The following CAPZA1 variants were observed in gnomAD, a reference collection of about 807,000 sequenced individuals.
CAPZA1 encodes the protein capping actin protein of muscle Z-line subunit alpha 1.
Under a neutral mutation model 40.8 loss-of-function variants are expected in CAPZA1, and 10 were observed. The observed-to-expected ratio is 0.25, with a 90% CI of 0.15 to 0.42. The LOEUF (loss-of-function observed/expected upper bound fraction) is 0.42, where lower values mean the gene tolerates loss of function less well. Among genes scored for constraint, CAPZA1 ranks in the 10% least tolerant of loss-of-function variants. The pLI, the probability that CAPZA1 is intolerant of heterozygous loss-of-function variation, is 1.00. For synonymous variants in CAPZA1, 98 were observed against 115.0 expected, an observed-to-expected ratio of 0.85 and a Z score of 0.95; for missense variants, 277 against 353.8, an observed-to-expected ratio of 0.78 and a Z score of 1.74.
intron 1 of CAPZA1, among the ~76,000 whole-genome samples, chr1:112,637,726 T>A (rs1281089934): frequency 6.6e-6 from 1 of 152,218 alleles, no homozygotes; most frequent in East Asian, 1.9e-4. Flanking sequence ...GTGTTGGGAT[T>A]ACAGGTGTGA....
chr1:112,653,625 G>C lies in CAPZA1; in HGVS notation c.183G>C (p.Gln61His), dbSNP rs1671443765. 1 of 1,594,896 alleles carries C rather than the reference G, an allele frequency of 6.3e-7. No homozygotes were observed. The highest frequency in any genetic ancestry group is 1.1e-5 in the South Asian group (1 of 88,530). The change falls in exon 4 of 10, where the codon CAG becomes CAC. Residue 61 changes from glutamine to histidine, a missense_variant. This residue lies in a region of CAPZA1 where 192 missense variants were observed against 277.2 expected (regional missense o/e 0.69). Transcript: ENST00000263168. ...AHAFAQYNMD[Q>H]FTPVKIEGYE... is the part of the protein sequence containing the mutation. ...CATTTGCCCAGTATAACATGGATCA[G>C]TTCACGCCTGTGAAGATAGAAGGAT...
intron 1 of CAPZA1, among the ~76,000 whole-genome samples, chr1:112,640,477 C>T (rs1219572062): frequency 2.3e-5 from 3 of 128,310 alleles, no homozygotes; most frequent in African/African-American, 9.3e-5. Context: ...CCGCCCAGTC[C>T]GGGAGGGAGG....
At chr1:112,649,635 ATTG>A in intron 3 of CAPZA1, 166 bp downstream of exon 3, 1 of 623,592 alleles carries the variant, frequency 1.6e-6, no homozygotes, top group Non-Finnish European at 2.8e-6. Context: ...TGTTCCCCCA[ATTG>A]TTGTTTACTT....
chr1:112,643,930 T>C lies in CAPZA1; in HGVS notation c.40-3280T>C, dbSNP rs370482566. Among the ~76,000 whole-genome samples the C allele has an allele frequency of 1.5e-3, 230 of 150,312 alleles. 4 individuals are homozygous for C. The highest frequency in any genetic ancestry group is 5.5e-3 in the African/African-American group (218 of 39,690). ...CGGGATCTCGGCTCACTGCAAACTC[T>C]GCCTCCTGGGTTCAAGAGATTCTCC... On this transcript the variant is annotated intron_variant, in intron 1 of 9. Coordinates refer to ENST00000263168, the MANE Select transcript of CAPZA1 (RefSeq NM_006135.3).
At position 112,659,784 on chromosome 1, in the gene CAPZA1, G is replaced by A. The variant is rs1254333308; in HGVS notation, c.585+5G>A. 7 of 1,608,790 alleles carry A rather than the reference G, an allele frequency of 4.4e-6. No homozygotes were observed. The highest frequency in any genetic ancestry group is 6.0e-6 in the Non-Finnish European group (7 of 1,175,598). On this transcript the variant is annotated splice_donor_5th_base_variant and intron_variant, in intron 7 of 9. Coordinates refer to ENST00000263168, the MANE Select transcript of CAPZA1 (RefSeq NM_006135.3). ...GTTGGCGTGCTTAAGATTCAGGTGA[G>A]ATTCCAACATGTTTATAGACTTAAA... is the stretch of plus-strand genomic sequence containing the variant.
Position 112,619,952 on chromosome 1 carries a change from G to A in CAPZA1, c.39+69G>A, listed in dbSNP as rs542273761. On this transcript the variant is annotated intron_variant, in intron 1 of 9. Transcript: ENST00000263168. ...AACTGGGGCCCGGCCCGGCTGCGTT[G>A]GGAGCCTAGCAGTGTCCCCAGGAAA... The A allele has an allele frequency of 1.3e-5, 17 of 1,330,876 alleles. No individual in the cohort carries two copies. The East Asian group carries it at 3.4e-4, about 27-fold the overall frequency. 82.4% of individuals were successfully genotyped at this position (1,330,876 alleles called of 1,614,324 possible). A position where few individuals can be genotyped will look rare whatever the true frequency, so the allele number is the denominator to read the frequency against.
At chr1:112,641,169 T>C (rs1037376311) in intron 1 of CAPZA1, among the ~76,000 whole-genome samples, 22 of 151,624 alleles carry the variant, frequency 1.5e-4, no homozygotes, top group African/African-American at 3.2e-4. Context: ...ACTATTGTCC[T>C]ATGACCCTGC....
chr1:112,659,840 C>G (rs1489742338), intron 7 of CAPZA1, 61 bp downstream of exon 7: 31 of 1,333,996 alleles, frequency 2.3e-5, no homozygotes, highest in Middle Eastern at 3.6e-4. Flanking sequence ...GTGCAGGTTG[C>G]TTTGGTATTA....
At chr1:112,650,408 C>T (rs1671361457) in intron 3 of CAPZA1, among the ~76,000 whole-genome samples, 1 of 152,114 alleles carries the variant, frequency 6.6e-6, no homozygotes, top group South Asian at 2.1e-4. Flanking sequence ...GTGAATGATA[C>T]CCTAATTATA....
intron 1 of CAPZA1, chr1:112,646,692 A>G (rs1393552226): frequency 6.6e-6 from 1 of 152,120 alleles, no homozygotes; most frequent in Non-Finnish European, 1.5e-5. Context: ...ATATCTACCA[A>G]AAATTAATAG....
rs1211139381 is a variant in CAPZA1, at chr1:112,654,469, T to C, written c.224T>C (p.Leu75Ser). 1 of 1,608,964 alleles carries C rather than the reference T, an allele frequency of 6.2e-7. No homozygotes were observed. Among genetic ancestry groups the C allele is most frequent in the Non-Finnish European group, 8.5e-7 (1 of 1,176,190 alleles). The change falls in exon 5 of 10, where the codon TTA (leucine) becomes TCA (serine). Residue 75 changes from leucine to serine, a missense_variant. Coordinates refer to ENST00000263168, the MANE Select transcript of CAPZA1 (RefSeq NM_006135.3). ...TGTTTAATGATTCTTTGGAAGGTCT[T>C]AATTACAGAGCACGGTGACCTGGGT... Reference protein sequence around the residue: ...VKIEGYEDQVLITEHGDLGNS... With the variant: ...VKIEGYEDQVSITEHGDLGNS...
rs200601011 is a variant in CAPZA1 at position 112,667,143 on chromosome 1, T to A, written c.655T>A (p.Ser219Thr). 6.2e-5 allele frequency: 100 copies of A among 1,600,456 alleles called. 1 individual carries two copies. The highest frequency in any genetic ancestry group is 8.4e-5 in the Admixed American group (5 of 59,188). Residue 219 changes from serine to threonine, a missense_variant and splice_region_variant, in exon 8 of 10, where the codon TCG becomes ACG. This residue lies in a region of CAPZA1 where 192 missense variants were observed against 277.2 expected (regional missense o/e 0.69). Transcript: ENST00000263168. ...AGATGTACAGGATTCACTAACTGTTTCGGTGAGTATGGAATATTTAGTGTC... is the reference window on the plus strand; with the variant it reads ...AGATGTACAGGATTCACTAACTGTTACGGTGAGTATGGAATATTTAGTGTC... ...HKDVQDSLTV[S>T]NEAQTAKEFI...
intron 3 of CAPZA1, among the ~76,000 whole-genome samples, chr1:112,651,098 G>A (rs562719310): frequency 6.6e-6 from 1 of 152,256 alleles, no homozygotes; most frequent in East Asian, 1.9e-4. Context: ...CATAATCATT[G>A]TCATAATTAT....
At position 112,670,807 on chromosome 1, in the gene CAPZA1, C is replaced by T. The variant is rs1671814978; in HGVS notation, c.*675C>T. The T allele has an allele frequency of 6.6e-6, 1 of 152,666 alleles. No homozygotes were observed. 9.5% of individuals were successfully genotyped at this position (152,666 alleles called of 1,614,324 possible). A position where few individuals can be genotyped will look rare whatever the true frequency, so the allele number is the denominator to read the frequency against. ...ATGAACATGTTTGCTTTTATCCCTTCTCTCATTGTCTCCTTCCCATCTTAG... is the reference window on the plus strand; with the variant it reads ...ATGAACATGTTTGCTTTTATCCCTTTTCTCATTGTCTCCTTCCCATCTTAG... On this transcript the variant is annotated 3_prime_UTR_variant, in exon 10 of 10. Transcript: ENST00000263168.
At chr1:112,644,524 AT>A (rs904041430) in intron 1 of CAPZA1, among the ~76,000 whole-genome samples, 2 of 151,010 alleles carry the variant, frequency 1.3e-5, no homozygotes, top group Non-Finnish European at 3.0e-5. Context: ...TCTTGAACGT[AT>A]TTTTTTTTCT....
Position 112,648,538 on chromosome 1 carries a change from G to C in CAPZA1, c.104-880G>C, listed in dbSNP as rs373411048. ...TCACCATGTTGGCCAGGATGGTCTC[G>C]ATCTCTTGACCTCATGATCCGCCTG... On this transcript the variant is annotated intron_variant, in intron 2 of 9. Coordinates refer to ENST00000263168, the MANE Select transcript of CAPZA1 (RefSeq NM_006135.3). Among the ~76,000 whole-genome samples, 13 of 151,424 alleles carry C rather than the reference G, an allele frequency of 8.6e-5. No individual in the cohort carries two copies. The East Asian group carries it at 1.4e-3, about 16-fold the overall frequency.
chr1:112,623,637 C>A (rs1158770220), intron 1 of CAPZA1, among the ~76,000 whole-genome samples: 1 of 148,660 alleles, frequency 6.7e-6, no homozygotes, highest in Non-Finnish European at 1.5e-5. Flanking sequence ...CCCGAGATCA[C>A]GCCATTGCAC....
intron 5 of CAPZA1, among the ~76,000 whole-genome samples, chr1:112,657,793 T>C (rs1477159295): frequency 6.6e-6 from 1 of 152,176 alleles, no homozygotes; most frequent in Non-Finnish European, 1.5e-5. Flanking sequence ...GGTTTCACCA[T>C]GTTGGCCGGG....
chr1:112,623,218 T>C (rs1233390437), intron 1 of CAPZA1, among the ~76,000 whole-genome samples: 1 of 152,222 alleles, frequency 6.6e-6, no homozygotes, highest in African/African-American at 2.4e-5. Context: ...TCCTTGATTA[T>C]GTATTACCTC....
Sources: gnomAD v4.1 joint callset for allele counts (sites outside exome capture counted in the v4.1 genomes callset) on GRCh38, gnomAD v4.1.1 for gene constraint, gnomAD v4.1.1 regional missense constraint, MANE v1.5 for transcripts, NCBI Gene and HGNC (gene_info 2026-07-23, HGNC 2026-07-21) for gene names.